PGCKA1: variants seen among roughly 807,000 people sequenced by gnomAD.
PGCKA1 encodes the protein PDCD10 and GCKIII kinases associated 1, also known as PDCD10 and GCKIII kinases-associated protein 1.
chr4:37,565,201 T>G, the PGCKA1 span, among the ~76,000 whole-genome samples: 74 of 152,312 alleles, frequency 4.9e-4, no homozygotes, highest in African/African-American at 1.6e-3. Flanking sequence ...TCTGTGTGCC[T>G]TCCGTTTCAT....
chr4:37,494,296 G>A, the PGCKA1 span, among the ~76,000 whole-genome samples: 14 of 152,062 alleles, frequency 9.2e-5, no homozygotes, highest in Non-Finnish European at 1.9e-4. Context: ...GCACCCTCCA[G>A]TAGTCCTCCA....
At chr4:37,528,336 T>C in the PGCKA1 span, among the ~76,000 whole-genome samples, 1 of 152,172 alleles carries the variant, frequency 6.6e-6, no homozygotes, top group Non-Finnish European at 1.5e-5. Context: ...GCTCACTGTT[T>C]GGTTTTGTTA....
At chr4:37,478,278 A>G in the PGCKA1 span, among the ~76,000 whole-genome samples, 2 of 151,430 alleles carry the variant, frequency 1.3e-5, no homozygotes, top group Non-Finnish European at 2.9e-5. Flanking sequence ...TCTAGTTCCA[A>G]TTTCCCTAGC....
chr4:37,586,631 C>T, the PGCKA1 span, among the ~76,000 whole-genome samples: 2 of 152,146 alleles, frequency 1.3e-5, no homozygotes, highest in African/African-American at 4.8e-5. Context: ...TGGAAGCAGC[C>T]GGGCATGGTG....
the PGCKA1 span, among the ~76,000 whole-genome samples, chr4:37,464,756 CT>C: frequency 6.6e-6 from 1 of 152,216 alleles, no homozygotes; most frequent in Non-Finnish European, 1.5e-5. Context: ...AAATTGTCTA[CT>C]TAAATATCTG....
At chr4:37,468,527 A>C in the PGCKA1 span, among the ~76,000 whole-genome samples, 1 of 152,076 alleles carries the variant, frequency 6.6e-6, no homozygotes, top group Admixed American at 6.5e-5. Flanking sequence ...TAATCATGAC[A>C]CTTTTGTCTC....
At chr4:37,490,487 G>T in the PGCKA1 span, among the ~76,000 whole-genome samples, 1 of 152,116 alleles carries the variant, frequency 6.6e-6, no homozygotes, top group Non-Finnish European at 1.5e-5. Context: ...GTCTACCCGC[G>T]TTTGTAGTAG....
At chr4:37,466,537 G>A in the PGCKA1 span, among the ~76,000 whole-genome samples, 2 of 152,268 alleles carry the variant, frequency 1.3e-5, no homozygotes, top group Admixed American at 6.5e-5. Flanking sequence ...CTGCTGTGTA[G>A]GAAGAAGGCA....
the PGCKA1 span, among the ~76,000 whole-genome samples, chr4:37,459,110 A>G: frequency 1.3e-5 from 2 of 152,136 alleles, no homozygotes; most frequent in Non-Finnish European, 2.9e-5. Context: ...GGGTGGTGGT[A>G]TTACTAAGTA....
chr4:37,478,975 T>A, the PGCKA1 span, among the ~76,000 whole-genome samples: 2 of 152,258 alleles, frequency 1.3e-5, no homozygotes, highest in African/African-American at 4.8e-5. Flanking sequence ...CCTTTCTTCC[T>A]TCAGTATTGG....
chr4:37,561,619 T>C, the PGCKA1 span, among the ~76,000 whole-genome samples: 3 of 152,216 alleles, frequency 2.0e-5, no homozygotes, highest in African/African-American at 4.8e-5. Flanking sequence ...TCATCTATTA[T>C]TGTATAAGTT....
chr4:37,555,607 C>G, the PGCKA1 span, among the ~76,000 whole-genome samples: 1 of 152,024 alleles, frequency 6.6e-6, no homozygotes, highest in Admixed American at 6.6e-5. Flanking sequence ...GGGTGTGGCT[C>G]GAGAGGTGGA....
the PGCKA1 span, among the ~76,000 whole-genome samples, chr4:37,550,084 G>T: frequency 2.6e-5 from 4 of 152,088 alleles, no homozygotes; most frequent in African/African-American, 9.7e-5. Context: ...ACTCCAAAAG[G>T]AACCTGTTTG....
chr4:37,472,398 G>A, the PGCKA1 span, among the ~76,000 whole-genome samples: 128 of 152,228 alleles, frequency 8.4e-4, no homozygotes, highest in African/African-American at 2.9e-3. Context: ...AATAAAAGTG[G>A]GGGTAAGGGG....
the PGCKA1 span, among the ~76,000 whole-genome samples, chr4:37,454,284 T>G: frequency 6.6e-6 from 1 of 152,114 alleles, no homozygotes; most frequent in Non-Finnish European, 1.5e-5. Context: ...GGAGGCGGAC[T>G]TTTACAGATT....
the PGCKA1 span, among the ~76,000 whole-genome samples, chr4:37,507,473 G>T: frequency 6.6e-6 from 1 of 151,882 alleles, no homozygotes; most frequent in African/African-American, 2.4e-5. Context: ...TTACCATCTG[G>T]TTTGCAAATA....
At chr4:37,570,559 T>G in the PGCKA1 span, among the ~76,000 whole-genome samples, 1 of 152,066 alleles carries the variant, frequency 6.6e-6, no homozygotes, top group African/African-American at 2.4e-5. Context: ...GCAGCACAGC[T>G]CCTGGTAGTT....
chr4:37,572,110 T>G, the PGCKA1 span, among the ~76,000 whole-genome samples: 1 of 136,782 alleles, frequency 7.3e-6, no homozygotes, highest in Non-Finnish European at 1.6e-5. Flanking sequence ...TCGCCCAGGC[T>G]GGAGTGCAGT....
At chr4:37,463,241 A>G in the PGCKA1 span, among the ~76,000 whole-genome samples, 1 of 151,778 alleles carries the variant, frequency 6.6e-6, no homozygotes, top group Non-Finnish European at 1.5e-5. Flanking sequence ...GGGAAGTTGA[A>G]AGAGTTCACA....
Sources: gnomAD v4.1 joint callset for allele counts (sites outside exome capture counted in the v4.1 genomes callset) on GRCh38, gnomAD v4.1.1 for gene constraint, MANE v1.5 for transcripts, NCBI Gene and HGNC (gene_info 2026-07-23, HGNC 2026-07-21) for gene names.